The following HS3ST3A1 variants were observed in gnomAD, a reference collection of about 807,000 sequenced individuals.
The protein encoded by HS3ST3A1 is heparan sulfate glucosamine 3-O-sulfotransferase 3A1.
A neutral mutation model predicts 25.7 loss-of-function variants in HS3ST3A1; 19 were observed. The observed-to-expected ratio is 0.74, with a 90% CI of 0.52 to 1.08. The LOEUF (loss-of-function observed/expected upper bound fraction) is 1.08. Among genes scored for constraint, HS3ST3A1 ranks in the 50% least tolerant of loss-of-function variants. The pLI, the probability that HS3ST3A1 is intolerant of heterozygous loss-of-function variation, is 0.00. For missense variants in HS3ST3A1, 459 were observed against 594.3 expected (o/e 0.77, Z 2.37); for synonymous variants, 226 against 278.6 (o/e 0.81, Z 1.88).
chr17:13,527,630 T>C (rs1274912924), intron 1 of HS3ST3A1, among the ~76,000 whole-genome samples: 1 of 152,178 alleles, frequency 6.6e-6, no homozygotes, highest in African/African-American at 2.4e-5. Flanking sequence ...GCGTCTAAGA[T>C]AACCCCACAG....
chr17:13,549,304 C>G (rs112191267), intron 1 of HS3ST3A1, among the ~76,000 whole-genome samples: 1 of 152,106 alleles, frequency 6.6e-6, no homozygotes, highest in African/African-American at 2.4e-5. Flanking sequence ...TCTGAACATC[C>G]GAAGGAACAA....
intron 1 of HS3ST3A1, among the ~76,000 whole-genome samples, chr17:13,530,408 T>C (rs1376160942): frequency 6.6e-6 from 1 of 151,800 alleles, no homozygotes; most frequent in Non-Finnish European, 1.5e-5. Flanking sequence ...AAGGTGGCAT[T>C]ATTATTCCCA....
At chr17:13,553,710 T>C (rs1453079343) in intron 1 of HS3ST3A1, among the ~76,000 whole-genome samples, 1 of 152,226 alleles carries the variant, frequency 6.6e-6, no homozygotes, top group Non-Finnish European at 1.5e-5. Flanking sequence ...TACTCTTTTC[T>C]GGCAACTCCT....
At chr17:13,506,757 G>T (rs1249101394) in intron 1 of HS3ST3A1, among the ~76,000 whole-genome samples, 1 of 152,136 alleles carries the variant, frequency 6.6e-6, no homozygotes, top group East Asian at 1.9e-4. Context: ...ACGTTGAAAT[G>T]AGATGTCAAA....
intron 1 of HS3ST3A1, among the ~76,000 whole-genome samples, chr17:13,512,964 G>A (rs1905926318): frequency 1.3e-5 from 2 of 152,168 alleles, no homozygotes; most frequent in Admixed American, 6.5e-5. Flanking sequence ...TTTGTTGTTA[G>A]GAGGGAATAT....
chr17:13,563,639 C>G (rs1907605050), intron 1 of HS3ST3A1, among the ~76,000 whole-genome samples: 1 of 152,164 alleles, frequency 6.6e-6, no homozygotes, highest in Non-Finnish European at 1.5e-5. Context: ...CTGACACTCT[C>G]TAACTCTGGG....
chr17:13,521,458 C>A (rs1906236902), intron 1 of HS3ST3A1, among the ~76,000 whole-genome samples: 1 of 152,198 alleles, frequency 6.6e-6, no homozygotes, highest in South Asian at 2.1e-4. Flanking sequence ...AGTTTCAATG[C>A]CCCACTAAGC....
chr17:13,499,060 T>C (rs55924840), intron 1 of HS3ST3A1, among the ~76,000 whole-genome samples: 3,894 of 152,270 alleles, frequency 0.026, 91 homozygotes, highest in Non-Finnish European at 0.042. Flanking sequence ...AAATGTGAAC[T>C]TCCTTTTTCA....
At chr17:13,506,736 C>G (rs1390528574) in intron 1 of HS3ST3A1, among the ~76,000 whole-genome samples, 2 of 152,148 alleles carry the variant, frequency 1.3e-5, no homozygotes, top group Non-Finnish European at 2.9e-5. Context: ...GATGCTTCCT[C>G]TGTGCCTGAC....
intron 1 of HS3ST3A1, among the ~76,000 whole-genome samples, chr17:13,514,664 A>G (rs1230720378): frequency 1.3e-5 from 2 of 152,190 alleles, no homozygotes; most frequent in Admixed American, 6.5e-5. Context: ...AGGGTGGATC[A>G]TGGGAGGTCA....
At chr17:13,584,848 G>A (rs1908209851) in intron 1 of HS3ST3A1, among the ~76,000 whole-genome samples, 1 of 152,118 alleles carries the variant, frequency 6.6e-6, no homozygotes, top group African/African-American at 2.4e-5. Flanking sequence ...TAGGGAAGGT[G>A]GCAAAGATTA....
intron 1 of HS3ST3A1, among the ~76,000 whole-genome samples, chr17:13,575,636 CAA>C (rs1429562430): frequency 6.6e-6 from 1 of 152,114 alleles, no homozygotes; most frequent in African/African-American, 2.4e-5. Context: ...CAGAGGTTAG[CAA>C]AGAGTCTGCC....
chr17:13,561,163 A>T (rs73978692), intron 1 of HS3ST3A1, among the ~76,000 whole-genome samples: 12,865 of 152,154 alleles, frequency 0.085, 996 homozygotes, highest in African/African-American at 0.21. Flanking sequence ...CAGAACAAGG[A>T]TGCTGGTATT....
chr17:13,572,496 A>T (rs1164244048), intron 1 of HS3ST3A1, among the ~76,000 whole-genome samples: 1 of 152,146 alleles, frequency 6.6e-6, no homozygotes, highest in Non-Finnish European at 1.5e-5. Context: ...TACCCATGAA[A>T]AAAGGGCATC....
intron 1 of HS3ST3A1, among the ~76,000 whole-genome samples, chr17:13,508,405 GTCC>G (rs369634975): frequency 6.6e-6 from 1 of 152,206 alleles, no homozygotes; most frequent in African/African-American, 2.4e-5. Flanking sequence ...AGATCAAAGA[GTCC>G]TCCTGGAAGA....
At chr17:13,556,685 C>T (rs547203538) in intron 1 of HS3ST3A1, among the ~76,000 whole-genome samples, 240 of 151,722 alleles carry the variant, frequency 1.6e-3, no homozygotes, top group Non-Finnish European at 3.0e-3. Context: ...AACCCTGTCT[C>T]TACTAAAAAT....
chr17:13,600,033 G>A (rs551009659), intron 1 of HS3ST3A1, among the ~76,000 whole-genome samples: 12 of 152,242 alleles, frequency 7.9e-5, no homozygotes, highest in Non-Finnish European at 1.6e-4. Flanking sequence ...CTTTTACTAA[G>A]TCTCTATATT....
intron 1 of HS3ST3A1, among the ~76,000 whole-genome samples, chr17:13,538,489 C>A (rs1207211693): frequency 1.3e-5 from 2 of 152,194 alleles, no homozygotes; most frequent in African/African-American, 2.4e-5. Flanking sequence ...CTAACCCCTT[C>A]TCCCTGGGGT....
At chr17:13,545,090 T>C (rs1219173011) in intron 1 of HS3ST3A1, among the ~76,000 whole-genome samples, 4 of 152,224 alleles carry the variant, frequency 2.6e-5, no homozygotes, top group Non-Finnish European at 4.4e-5. Context: ...AACTGGCATG[T>C]GCGCTTGTCA....
Sources: allele counts gnomAD v4.1 joint callset (sites outside exome capture counted in the v4.1 genomes callset), GRCh38; gene constraint gnomAD v4.1.1; transcripts MANE v1.5; gene names NCBI Gene and HGNC (gene_info 2026-07-23, HGNC 2026-07-21).